Variants in CAND2 observed in about 807,000 individuals in gnomAD.
The protein encoded by CAND2 is cullin associated and neddylation dissociated 2 (putative).
CAND2 carries 62 observed loss-of-function variants against 98.9 expected under a neutral mutation model. That is an observed-to-expected ratio of 0.63 (90% CI 0.51 to 0.77). The LOEUF (loss-of-function observed/expected upper bound fraction) is 0.77, where lower values mean the gene tolerates loss of function less well. Among genes scored for constraint, CAND2 ranks in the 30% least tolerant of loss-of-function variants. The pLI, the probability that CAND2 is intolerant of heterozygous loss-of-function variation, is 0.00. For missense variants in CAND2, 1,501 were observed against 1,655.2 expected (o/e 0.91, Z 1.62); for synonymous variants, 770 against 731.9 (o/e 1.05, Z -0.84).
intron 12 of CAND2, among the ~76,000 whole-genome samples, chr3:12,827,073 C>T (rs149201029): frequency 0.011 from 1,721 of 152,220 alleles, 16 homozygotes; most frequent in Non-Finnish European, 0.019. Context: ...CTTCATGATC[C>T]GCCCGCCTTG....
At chr3:12,831,742 C>T (rs576165807) in intron 14 of CAND2, among the ~76,000 whole-genome samples, 170 bp downstream of exon 14, 127 of 152,324 alleles carry the variant, frequency 8.3e-4, no homozygotes, top group Non-Finnish European at 8.8e-4. Flanking sequence ...TCATTGTATA[C>T]ACAGGGGAAC....
intron 1 of CAND2, among the ~76,000 whole-genome samples, chr3:12,803,020 C>T (rs1297537186): frequency 7.3e-6 from 1 of 137,420 alleles, no homozygotes; most frequent in Non-Finnish European, 1.5e-5. Flanking sequence ...GACGGAGTCT[C>T]TCTCTGTCGC....
At chr3:12,799,749 C>G (rs931431867) in intron 1 of CAND2, among the ~76,000 whole-genome samples, 2 of 152,150 alleles carry the variant, frequency 1.3e-5, no homozygotes, top group African/African-American at 4.8e-5. Flanking sequence ...GGTGGCCAGA[C>G]TTGTATTGCA....
At chr3:12,822,075 T>G (rs1212162753) in intron 11 of CAND2, among the ~76,000 whole-genome samples, 1 of 152,166 alleles carries the variant, frequency 6.6e-6, no homozygotes, top group Non-Finnish European at 1.5e-5. Flanking sequence ...TGCCAAATGG[T>G]GACTTTCTAG....
chr3:12,799,653 G>A (rs1170936869), intron 1 of CAND2, among the ~76,000 whole-genome samples: 1 of 152,190 alleles, frequency 6.6e-6, no homozygotes, highest in Non-Finnish European at 1.5e-5. Context: ...CTGCAGACCT[G>A]TTCTTTGTTG....
At chr3:12,825,233 A>G (rs539754701) in intron 11 of CAND2, among the ~76,000 whole-genome samples, 10 of 152,234 alleles carry the variant, frequency 6.6e-5, no homozygotes, top group Non-Finnish European at 1.3e-4. Context: ...AGGCTCTCCA[A>G]GGTCCCACAG....
In CAND2 at chr3:12,827,572, G is replaced by A; in HGVS notation, c.3343G>A (p.Glu1115Lys). 6.2e-7 allele frequency: 1 copy of A among 1,613,682 alleles called. No homozygotes were observed. Among genetic ancestry groups the A allele is most frequent in the South Asian group, 1.1e-5 (1 of 91,046 alleles). Reference sequence around the variant, plus strand: ...TATCTGTGAGTTCCTGAACCATGTGGAGGACGGGCTGAAGGACCACTACGA... The same window carrying A: ...TATCTGTGAGTTCCTGAACCATGTGAAGGACGGGCTGAAGGACCACTACGA... ...LDICEFLNHVEDGLKDHYDIR... is the reference protein window; with the variant it reads ...LDICEFLNHVKDGLKDHYDIR... Residue 1115 changes from glutamate (E) to lysine (K), a missense_variant, in exon 13 of 15, where the codon GAG becomes AAG. Around this residue, in one of 3 missense-constraint regions of CAND2, gnomAD observed 1,427 missense variants for 1,545.3 expected, o/e 0.92. Transcript: ENST00000456430.
chr3:12,817,566 G>GGCT lies in CAND2; in HGVS notation c.2637_2639dup (p.Ala881dup). ...TGGGGTCACCCAGTGAGGATGTGAG[G>GGCT]GCTGCAGCCTCGTATGCACTGGGCC... On this transcript the variant is annotated inframe_insertion, in exon 10 of 15. Transcript: ENST00000456430. 2 of 1,613,930 alleles carry GGCT rather than the reference G, an allele frequency of 1.2e-6. No individual in the cohort carries two copies. The highest frequency in any genetic ancestry group is 1.7e-6 in the Non-Finnish European group (2 of 1,180,022).
chr3:12,817,336 C>G lies in CAND2; in HGVS notation c.2404C>G (p.His802Asp), dbSNP rs774297572. The change falls in exon 10 of 15, where the codon CAC becomes GAC. Residue 802 changes from histidine (H) to aspartate (D), a missense_variant. His to Asp is a moderately conservative substitution (Grantham distance 81). This residue lies in a region of CAND2 where 1,427 missense variants were observed against 1,545.3 expected (regional missense o/e 0.92). Transcript: ENST00000456430. ...GCCTGGCCTGCACAAGCAGGTGTTC[C>G]ACTCATTGGCCCGGTGTGTGGCAGC... ...GGPGLHKQVF[H>D]SLARCVAALS... 6.2e-7 allele frequency: 1 copy of G among 1,613,814 alleles called. No individual in the cohort carries two copies. Among genetic ancestry groups the G allele is most frequent in the Non-Finnish European group, 8.5e-7 (1 of 1,180,028 alleles).
intron 13 of CAND2, among the ~76,000 whole-genome samples, chr3:12,828,118 A>C (rs2062018839): frequency 6.6e-6 from 1 of 152,126 alleles, no homozygotes; most frequent in Non-Finnish European, 1.5e-5. Flanking sequence ...CCCAATGTTG[A>C]GTGGCAAGAG....
rs34041335 is a variant in CAND2 at position 12,802,988 on chromosome 3, CT to C, written c.69-482del. On this transcript the variant is annotated intron_variant, in intron 1 of 14. Coordinates refer to ENST00000456430, the MANE Select transcript of CAND2 (RefSeq NM_001162499.2). ...CTGTATAGGGCAGCTCCATTAAAAT[CT>C]TTTTTTTTTTTTTTTTTGGAGACGG... Among the ~76,000 whole-genome samples the C allele has an allele frequency of 2.3e-3, 298 of 127,330 alleles. 1 individual carries two copies. The highest frequency in any genetic ancestry group is 4.5e-3 in the East Asian group (20 of 4,414). 83.5% of individuals were successfully genotyped at this position (127,330 alleles called of 152,430 possible).
chr3:12,822,442 G>A (rs922484151), intron 11 of CAND2, among the ~76,000 whole-genome samples: 14 of 151,920 alleles, frequency 9.2e-5, no homozygotes, highest in South Asian at 4.2e-4. Flanking sequence ...ACAGATGTGC[G>A]CCAGCCACCA....
intron 11 of CAND2, among the ~76,000 whole-genome samples, chr3:12,824,079 A>G (rs1315416722): frequency 6.6e-6 from 1 of 152,064 alleles, no homozygotes; most frequent in Non-Finnish European, 1.5e-5. Flanking sequence ...GCTGAGGCAG[A>G]AGGATCACTT....
At chr3:12,799,903 G>A (rs2061754023) in intron 1 of CAND2, among the ~76,000 whole-genome samples, 1 of 145,154 alleles carries the variant, frequency 6.9e-6, no homozygotes, top group Non-Finnish European at 1.5e-5. Context: ...CTGGGCTCTT[G>A]ATGGGTGAAT....
intron 7 of CAND2, among the ~76,000 whole-genome samples, 164 bp downstream of exon 7, chr3:12,813,552 A>G (rs192948454): frequency 2.6e-5 from 4 of 152,330 alleles, no homozygotes; most frequent in Admixed American, 2.6e-4. Flanking sequence ...CACAGTAATG[A>G]TAGTAGTCAT....
rs1161701449 is a variant in CAND2 at position 12,810,170 on chromosome 3, C to T, written c.603C>T (p.His201=). The stretch of plus-strand genomic sequence containing the variant: ...AGCGGGCGGTCGGAGCGCTTGGCCA[C>T]CTGGCGGCCGCCTGCAGCACCGACC... ...VRKRAVGALG[H]LAAACSTDLF... The change falls in exon 5 of 15, where the codon CAC becomes CAT. Residue 201 remains histidine, a synonymous_variant. Transcript: ENST00000456430. 7 of 1,530,974 alleles carry T rather than the reference C, an allele frequency of 4.6e-6. No individual in the cohort carries two copies. The highest frequency in any genetic ancestry group is 2.4e-5 in the South Asian group (2 of 82,760). 94.8% of individuals were successfully genotyped at this position (1,530,974 alleles called of 1,614,324 possible). A position where few individuals can be genotyped will look rare whatever the true frequency, so the allele number is the denominator to read the frequency against.
At chr3:12,803,195 T>C (rs1289335961) in intron 1 of CAND2, among the ~76,000 whole-genome samples, 3 of 152,126 alleles carry the variant, frequency 2.0e-5, no homozygotes, top group Non-Finnish European at 2.9e-5. Context: ...GGTTTCACCA[T>C]GTTAGCCAGG....
At chr3:12,832,663 C>T (rs1355101095) in intron 14 of CAND2, 7 of 152,166 alleles carry the variant, frequency 4.6e-5, no homozygotes, top group Non-Finnish European at 8.8e-5. Context: ...CTTGAAGTGG[C>T]ATGAGGCTAT....
Position 12,834,219 on chromosome 3 carries a change from CAAAG to C in CAND2, c.*241_*244del, listed in dbSNP as rs559987531. The C allele has an allele frequency of 5.5e-4, 303 of 554,778 alleles. No individual in the cohort carries two copies. The highest frequency in any genetic ancestry group is 5.2e-3 in the African/African-American group (276 of 53,230). The allele number at this position is 554,778 out of a possible 1,614,324, so 34.4% of individuals were successfully genotyped here. ...CCTTCCTTAACTCAGGACAGTCATCCAAAGAAATAGGGTGAGGAAGTTTTCCAGT... is the reference window on the plus strand; with the variant it reads ...CCTTCCTTAACTCAGGACAGTCATCCAAATAGGGTGAGGAAGTTTTCCAGT... On this transcript the variant is annotated 3_prime_UTR_variant, in exon 15 of 15. Coordinates refer to ENST00000456430, the MANE Select transcript of CAND2 (RefSeq NM_001162499.2).
Sources: gnomAD v4.1 joint callset for allele counts (sites outside exome capture counted in the v4.1 genomes callset) on GRCh38, gnomAD v4.1.1 for gene constraint, gnomAD v4.1.1 regional missense constraint, MANE v1.5 for transcripts, NCBI Gene and HGNC (gene_info 2026-07-23, HGNC 2026-07-21) for gene names.